The following BACH2 variants were observed in gnomAD, a reference collection of about 807,000 sequenced individuals.
The protein encoded by BACH2 is BACH transcriptional regulator 2, also known as transcription regulator protein BACH2.
Under a neutral mutation model 61.8 loss-of-function variants are expected in BACH2, and 5 were observed. That is an observed-to-expected ratio of 0.08 (90% CI 0.04 to 0.17). BACH2 has a LOEUF of 0.17. Ranked by LOEUF, BACH2 falls within the 10% of genes least tolerant of loss-of-function variation. The pLI is 1.00. For synonymous variants in BACH2, 446 were observed against 440.1 expected, an observed-to-expected ratio of 1.01 and a Z score of -0.17; for missense variants, 824 against 1,091.1, an observed-to-expected ratio of 0.76 and a Z score of 3.45.
At chr6:89,943,832 G>T (rs896452333) in intron 7 of BACH2, among the ~76,000 whole-genome samples, 14 of 152,286 alleles carry the variant, frequency 9.2e-5, no homozygotes, top group Admixed American at 5.9e-4. Context: ...TGGGAGTAGG[G>T]TCACATTAGC....
At chr6:90,123,487 G>C (rs1487396143) in intron 4 of BACH2, among the ~76,000 whole-genome samples, 4 of 152,198 alleles carry the variant, frequency 2.6e-5, no homozygotes, top group African/African-American at 9.7e-5. Flanking sequence ...AAGACCGGTG[G>C]GGGCCGGGCG....
chr6:90,156,103 C>T (rs1224024256), intron 4 of BACH2, among the ~76,000 whole-genome samples: 1 of 152,130 alleles, frequency 6.6e-6, no homozygotes, highest in African/African-American at 2.4e-5. Flanking sequence ...TCCAGGGGAC[C>T]TAATCCCAAT....
At chr6:90,179,520 T>C (rs1257044540) in intron 4 of BACH2, among the ~76,000 whole-genome samples, 1 of 152,186 alleles carries the variant, frequency 6.6e-6, no homozygotes, top group Admixed American at 6.5e-5. Context: ...AAAGACTGTA[T>C]GGAGCTTATT....
chr6:90,236,041 A>T (rs896080108), intron 3 of BACH2, among the ~76,000 whole-genome samples: 1 of 152,258 alleles, frequency 6.6e-6, no homozygotes, highest in African/African-American at 2.4e-5. Context: ...GCCACCCAGC[A>T]ACCAACCAGC....
At chr6:89,952,036 C>T (rs1774159766) in intron 6 of BACH2, 174 bp from the exon 7 acceptor site, 8 of 733,238 alleles carry the variant, frequency 1.1e-5, no homozygotes, top group Non-Finnish European at 2.2e-6. Context: ...ATAATTAGTG[C>T]CTGTCTCGTG....
intron 5 of BACH2, among the ~76,000 whole-genome samples, chr6:90,082,436 T>C (rs1049528024): frequency 6.6e-6 from 1 of 151,898 alleles, no homozygotes; most frequent in East Asian, 1.9e-4. Flanking sequence ...CTGATTAATA[T>C]AATTAGAAGG....
rs540930360 is a variant in BACH2, at chr6:90,010,282, C to T, written c.-12-1426G>A. Reference sequence around the variant, plus strand: ...ACCTCTCTGTACCCCACCGCTACAACGACTGATCAGCTTTCTGACATTCTA... The same window carrying T: ...ACCTCTCTGTACCCCACCGCTACAATGACTGATCAGCTTTCTGACATTCTA... On this transcript the variant is annotated intron_variant, in intron 5 of 8. Transcript: ENST00000257749. Among the ~76,000 whole-genome samples the T allele has an allele frequency of 4.6e-5, 7 of 152,260 alleles. No individual in the cohort carries two copies. In the East Asian group the frequency reaches 7.7e-4, roughly 17 times the overall value.
intron 5 of BACH2, among the ~76,000 whole-genome samples, chr6:90,084,830 G>C (rs1781864297): frequency 6.6e-6 from 1 of 152,034 alleles, no homozygotes; most frequent in Non-Finnish European, 1.5e-5. Context: ...TAAGGAGATA[G>C]TAGGATAATT....
intron 1 of BACH2, among the ~76,000 whole-genome samples, chr6:90,287,271 A>T (rs776632742): frequency 6.6e-5 from 10 of 152,226 alleles, no homozygotes; most frequent in Non-Finnish European, 1.5e-4. Flanking sequence ...TGACACCACT[A>T]TGCTTGTGGT....
intron 6 of BACH2, among the ~76,000 whole-genome samples, chr6:89,989,427 T>A (rs4707583): frequency 0.68 from 103,924 of 151,980 alleles, 36,504 homozygotes; most frequent in East Asian, 0.97. Flanking sequence ...GGCTTATTTC[T>A]TCAATATAGC....
intron 2 of BACH2, among the ~76,000 whole-genome samples, chr6:90,254,786 T>C (rs138697577): frequency 2.8e-4 from 42 of 152,272 alleles, no homozygotes; most frequent in Non-Finnish European, 5.1e-4. Flanking sequence ...AAGAGGTCTC[T>C]TGTCAATTCA....
intron 5 of BACH2, among the ~76,000 whole-genome samples, chr6:90,019,788 C>A (rs1023848048): frequency 6.6e-5 from 10 of 152,092 alleles, no homozygotes; most frequent in Admixed American, 2.6e-4. Context: ...GGACCCAAAC[C>A]CCTGCTCTTT....
intron 1 of BACH2, among the ~76,000 whole-genome samples, chr6:90,296,230 G>C (rs1772376898): frequency 1.3e-5 from 2 of 152,112 alleles, no homozygotes; most frequent in East Asian, 1.9e-4. Context: ...GCCGTAAACA[G>C]CCGGGAGGGA....
intron 5 of BACH2, among the ~76,000 whole-genome samples, chr6:90,026,059 TTC>T (rs1778620259): frequency 6.6e-6 from 1 of 152,136 alleles, no homozygotes; most frequent in African/African-American, 2.4e-5. Flanking sequence ...ACAGAAATTA[TTC>T]TGTCTTAGAA....
chr6:90,166,605 C>T (rs576779368), intron 4 of BACH2, among the ~76,000 whole-genome samples: 5 of 152,222 alleles, frequency 3.3e-5, no homozygotes, highest in East Asian at 1.9e-4. Context: ...CACATGCACA[C>T]GTATGTTTAT....
chr6:90,072,241 A>G (rs1562421219), intron 5 of BACH2, among the ~76,000 whole-genome samples: 1 of 152,208 alleles, frequency 6.6e-6, no homozygotes, highest in Non-Finnish European at 1.5e-5. Context: ...ATGTTACTAT[A>G]ATAAGTAGTT....
chr6:90,214,751 CTTTTTTT>C (rs563651580), intron 3 of BACH2, among the ~76,000 whole-genome samples: 13 of 94,308 alleles, frequency 1.4e-4, no homozygotes, highest in East Asian at 4.5e-4. Flanking sequence ...GATTCTGTTC[CTTTTTTT>C]TTTTTTTTTT....
chr6:90,270,709 T>C (rs921332215), intron 2 of BACH2, among the ~76,000 whole-genome samples: 23 of 152,090 alleles, frequency 1.5e-4, no homozygotes, highest in African/African-American at 3.9e-4. Flanking sequence ...TCATTCTTCA[T>C]AGAACTAGAA....
At chr6:90,125,656 G>A (rs1261844840) in intron 4 of BACH2, among the ~76,000 whole-genome samples, 1 of 152,218 alleles carries the variant, frequency 6.6e-6, no homozygotes, top group Non-Finnish European at 1.5e-5. Context: ...TGTACTGGTT[G>A]ACTTCAGTGG....
Sources: gnomAD v4.1 joint callset for allele counts (sites outside exome capture counted in the v4.1 genomes callset) on GRCh38, gnomAD v4.1.1 for gene constraint, MANE v1.5 for transcripts, NCBI Gene and HGNC (gene_info 2026-07-23, HGNC 2026-07-21) for gene names.